The following FAM13B variants were observed in gnomAD, a reference collection of about 807,000 sequenced individuals.
The protein encoded by FAM13B is protein FAM13B.
A neutral mutation model predicts 117.3 loss-of-function variants in FAM13B; 60 were observed. The ratio of observed to expected loss-of-function variants is 0.51; its 90% CI spans 0.42 to 0.63. The LOEUF (loss-of-function observed/expected upper bound fraction) is 0.63, where lower values mean the gene tolerates loss of function less well. Ranked by LOEUF, FAM13B falls within the 30% of genes least tolerant of loss-of-function variation. The pLI is 0.00. For synonymous variants in FAM13B, 332 were observed against 356.1 expected (o/e 0.93, Z 0.76); for missense variants, 972 against 1,091.9 (o/e 0.89, Z 1.55).
intron 7 of FAM13B, among the ~76,000 whole-genome samples, chr5:137,998,590 A>G (rs1349378319): frequency 6.6e-6 from 1 of 152,228 alleles, no homozygotes; most frequent in Non-Finnish European, 1.5e-5. Flanking sequence ...AGACTCTAAG[A>G]AAAACTGACA....
intron 20 of FAM13B, among the ~76,000 whole-genome samples, chr5:137,945,194 C>T (rs1763112672): frequency 6.6e-6 from 1 of 151,990 alleles, no homozygotes; most frequent in African/African-American, 2.4e-5. Flanking sequence ...AGCCTGAAAG[C>T]CACAGCAAAC....
intron 1 of FAM13B, chr5:138,039,059 T>G (rs981522459): frequency 6.6e-6 from 1 of 152,240 alleles, no homozygotes. Context: ...GTCCACATAT[T>G]TGGCCTGATA....
At chr5:138,036,453 G>T, upstream of FAM13B, 1 of 456,680 alleles carries the variant, frequency 2.2e-6, no homozygotes. Flanking sequence ...CAGCCTGTGG[G>T]AGTCAGACAC....
chr5:138,020,297 T>C (rs903553003), intron 2 of FAM13B, among the ~76,000 whole-genome samples: 1 of 152,162 alleles, frequency 6.6e-6, no homozygotes, highest in Non-Finnish European at 1.5e-5. Flanking sequence ...TGACCTCATG[T>C]GATCAGCCAG....
chr5:137,955,756 C>A (rs2150242903), intron 14 of FAM13B, among the ~76,000 whole-genome samples: 1 of 152,198 alleles, frequency 6.6e-6, no homozygotes, highest in African/African-American at 2.4e-5. Flanking sequence ...CTCAGCCTCC[C>A]AAGGAGCTGG....
intron 1 of FAM13B, among the ~76,000 whole-genome samples, chr5:138,051,370 AATAT>A (rs1791794079): frequency 6.6e-6 from 1 of 152,240 alleles, no homozygotes; most frequent in Non-Finnish European, 1.5e-5. Context: ...GTTAAAATTT[AATAT>A]ATGTTACCAA....
intron 10 of FAM13B, among the ~76,000 whole-genome samples, chr5:137,979,253 T>A (rs1045655328): frequency 3.9e-5 from 6 of 152,146 alleles, no homozygotes; most frequent in African/African-American, 1.4e-4. Context: ...CCTCAGGTGA[T>A]CTGCCCACCT....
At chr5:137,992,543 G>A (rs1405446674) in intron 7 of FAM13B, among the ~76,000 whole-genome samples, 3 of 151,924 alleles carry the variant, frequency 2.0e-5, no homozygotes, top group African/African-American at 4.8e-5. Context: ...GTGGTGAGTC[G>A]AGATCATGTC....
At chr5:137,993,082 A>G (rs1263869170) in intron 7 of FAM13B, among the ~76,000 whole-genome samples, 2 of 152,244 alleles carry the variant, frequency 1.3e-5, no homozygotes, top group Non-Finnish European at 2.9e-5. Context: ...CCGTTCAGTG[A>G]AAGAAACCAG....
At chr5:138,010,650 C>T (rs1357205267) in intron 6 of FAM13B, among the ~76,000 whole-genome samples, 4 of 151,934 alleles carry the variant, frequency 2.6e-5, no homozygotes, top group Non-Finnish European at 4.4e-5. Flanking sequence ...CGAATCTTTC[C>T]CTCTACTTTA....
At chr5:137,997,187 AGGCCAGATGCC>A (rs1278491681) in intron 7 of FAM13B, among the ~76,000 whole-genome samples, 1 of 152,134 alleles carries the variant, frequency 6.6e-6, no homozygotes, top group Non-Finnish European at 1.5e-5. Flanking sequence ...AAGCTAAATG[AGGCCAGATGCC>A]GTGGCTCACA....
rs1381296282 is a variant in FAM13B at position 137,954,173 on chromosome 5, A to G, written c.1711T>C (p.Phe571Leu). 5.0e-6 allele frequency: 8 copies of G among 1,613,628 alleles called. No individual in the cohort carries two copies. In the South Asian group the frequency reaches 5.5e-5, roughly 11 times the overall value. ...KLDSSSKALS[F>L]TRIRRSSFSS... ...TACATAAAAATCATATACCTAGTAA[A>G]AGACAGTGCTTTAGATGAGGAATCC... The change falls in exon 15 of 24, where the codon TTT (phenylalanine) becomes CTT (leucine). Residue 571 changes from phenylalanine to leucine, a missense_variant. Coordinates refer to ENST00000689681, the MANE Select transcript of FAM13B (RefSeq NM_001385994.1).
intron 7 of FAM13B, among the ~76,000 whole-genome samples, chr5:138,001,109 A>G (rs548463448): frequency 6.6e-6 from 1 of 152,252 alleles, no homozygotes; most frequent in Non-Finnish European, 1.5e-5. Context: ...AAGGGTACTA[A>G]TGTTTGTGAC....
At position 137,985,474 on chromosome 5, in the gene FAM13B, A is replaced by T. The variant is rs546764918; in HGVS notation, c.1047-85T>A. The T allele has an allele frequency of 4.6e-4, 603 of 1,314,790 alleles. 7 individuals carry two copies. Among genetic ancestry groups the T allele is most frequent in the Non-Finnish European group, 2.1e-5 (20 of 958,456 alleles). 81.4% of individuals were successfully genotyped at this position (1,314,790 alleles called of 1,614,324 possible). A position where few individuals can be genotyped will look rare whatever the true frequency, so the allele number is the denominator to read the frequency against. On this transcript the variant is annotated intron_variant, in intron 9 of 23. Transcript: ENST00000689681. ...TTAAAATAAGTAAATATCAATAATG[A>T]TCTGAAACTTTTACTTGTTAAAGAA...
rs761133442 is a variant in FAM13B at position 137,945,960 on chromosome 5, T to C, written c.2282A>G (p.Tyr761Cys). ...TTGTTTTACAAGCCTGTATCTATCATAGAGAGGTTTAACAATGTGCCTTTC... is the reference window on the plus strand; with the variant it reads ...TTGTTTTACAAGCCTGTATCTATCACAGAGAGGTTTAACAATGTGCCTTTC... The part of the protein sequence containing the change: ...KEERHIVKPL[Y>C]DRYRLVKQML... Residue 761 changes from tyrosine to cysteine, a missense_variant, in exon 20 of 24, where the codon TAT becomes TGT. By Grantham distance (194) the Tyr-to-Cys change is radical. Transcript: ENST00000689681. The C allele has an allele frequency of 2.7e-5, 44 of 1,613,594 alleles. No individual in the cohort carries two copies. The highest frequency in any genetic ancestry group is 3.3e-4 in the Middle Eastern group (2 of 6,080).
chr5:137,980,933 G>A (rs979487133), intron 10 of FAM13B, among the ~76,000 whole-genome samples: 1 of 150,354 alleles, frequency 6.7e-6, no homozygotes, highest in Non-Finnish European at 1.5e-5. Flanking sequence ...TTTCTTCAAA[G>A]ACAGGGTCTC....
chr5:137,950,535 T>G (rs1331172603), intron 17 of FAM13B, among the ~76,000 whole-genome samples: 1 of 152,102 alleles, frequency 6.6e-6, no homozygotes, highest in African/African-American at 2.4e-5. Flanking sequence ...GTAGTAAGAC[T>G]ATTTATTTTT....
chr5:138,012,754 T>C (rs1222190770), intron 4 of FAM13B, among the ~76,000 whole-genome samples: 2 of 152,228 alleles, frequency 1.3e-5, no homozygotes, highest in Admixed American at 1.3e-4. Context: ...AATTAAATTA[T>C]GTTTCATTTT....
intron 1 of FAM13B, among the ~76,000 whole-genome samples, chr5:138,045,097 C>T (rs914701546): frequency 1.3e-5 from 2 of 152,184 alleles, no homozygotes; most frequent in Non-Finnish European, 2.9e-5. Flanking sequence ...TGAGTATATA[C>T]TCTGGAGATC....
Sources: gnomAD v4.1 joint callset for allele counts (sites outside exome capture counted in the v4.1 genomes callset) on GRCh38, gnomAD v4.1.1 for gene constraint, MANE v1.5 for transcripts, NCBI Gene and HGNC (gene_info 2026-07-23, HGNC 2026-07-21) for gene names.